The following ACTR3C variants were observed in gnomAD, a reference collection of about 807,000 sequenced individuals.
The protein encoded by ACTR3C is actin related protein 3C.
In ACTR3C, 18 loss-of-function variants were observed where a neutral mutation model predicts 26.3. The observed-to-expected ratio is 0.68, with a 90% CI of 0.47 to 1.01. The LOEUF is 1.01. Among genes scored for constraint, ACTR3C ranks in the 50% least tolerant of loss-of-function variants. ACTR3C has a pLI of 0.00. For missense variants in ACTR3C, 184 were observed against 250.7 expected, an observed-to-expected ratio of 0.73 and a Z score of 1.80; for synonymous variants, 55 against 94.5, an observed-to-expected ratio of 0.58 and a Z score of 2.42.
intron 1 of ACTR3C, among the ~76,000 whole-genome samples, chr7:150,302,611 T>C (rs1391367911): frequency 6.6e-6 from 1 of 151,928 alleles, no homozygotes; most frequent in African/African-American, 2.4e-5. Flanking sequence ...AAAGATTAAA[T>C]GAAAATATAC....
At chr7:149,960,842 T>C in the ACTR3C span, among the ~76,000 whole-genome samples, 1 of 152,116 alleles carries the variant, frequency 6.6e-6, no homozygotes, top group African/African-American at 2.4e-5. Flanking sequence ...TGTGCAAGAA[T>C]CCCAAGAGCA....
chr7:150,048,930 G>A, the ACTR3C span, among the ~76,000 whole-genome samples: 1 of 152,012 alleles, frequency 6.6e-6, no homozygotes. Context: ...CCCCTCGCGG[G>A]CGCTGCGCCC....
At chr7:150,197,979 C>T in the ACTR3C span, among the ~76,000 whole-genome samples, 9 of 151,184 alleles carry the variant, frequency 6.0e-5, no homozygotes, top group African/African-American at 2.0e-4. Flanking sequence ...CTCAGCCTGC[C>T]GAGTGCCTGT....
At chr7:150,032,682 T>TCATGTCAG in the ACTR3C span, among the ~76,000 whole-genome samples, 27,871 of 151,756 alleles carry the variant, frequency 0.18, 2,944 homozygotes, top group East Asian at 0.31. Flanking sequence ...TTTGGGAATA[T>TCATGTCAG]CATGTCAGCA....
the ACTR3C span, among the ~76,000 whole-genome samples, chr7:150,213,386 G>C: frequency 6.6e-6 from 1 of 152,146 alleles, no homozygotes; most frequent in East Asian, 1.9e-4. Context: ...ATCATTTAGA[G>C]GGAGGGCTTC....
chr7:150,120,690 C>T, the ACTR3C span, among the ~76,000 whole-genome samples: 1 of 152,136 alleles, frequency 6.6e-6, no homozygotes, highest in Admixed American at 6.5e-5. Flanking sequence ...CCTTCTAAAA[C>T]TATTCCAAAC....
chr7:149,946,235 G>A, the ACTR3C span, among the ~76,000 whole-genome samples: 5 of 152,216 alleles, frequency 3.3e-5, no homozygotes, highest in South Asian at 2.1e-4. Flanking sequence ...CCCAGACATC[G>A]CAGGTGCTTA....
At chr7:150,154,088 G>C in the ACTR3C span, among the ~76,000 whole-genome samples, 1 of 113,818 alleles carries the variant, frequency 8.8e-6, no homozygotes, top group Non-Finnish European at 1.7e-5. Flanking sequence ...TGGGGGGAGG[G>C]GGGAGGGATA....
the ACTR3C span, among the ~76,000 whole-genome samples, chr7:150,102,158 A>C: frequency 6.6e-6 from 1 of 151,628 alleles, no homozygotes; most frequent in South Asian, 2.1e-4. Flanking sequence ...AAGGTCTAGC[A>C]TAAGGTAGTA....
the ACTR3C span, among the ~76,000 whole-genome samples, chr7:150,163,567 A>G: frequency 8.5e-5 from 13 of 152,090 alleles, no homozygotes; most frequent in South Asian, 2.1e-3. Flanking sequence ...ACATATATAT[A>G]TGGAGATTTA....
chr7:149,944,458 G>T, the ACTR3C span, among the ~76,000 whole-genome samples: 2 of 151,998 alleles, frequency 1.3e-5, no homozygotes, highest in Admixed American at 1.3e-4. Context: ...GAATACCAAG[G>T]TTATGGACTG....
At chr7:150,056,034 A>G in the ACTR3C span, among the ~76,000 whole-genome samples, 1 of 152,210 alleles carries the variant, frequency 6.6e-6, no homozygotes, top group East Asian at 1.9e-4. Flanking sequence ...ATTTTTCACC[A>G]TCACTTAAGA....
the ACTR3C span, among the ~76,000 whole-genome samples, chr7:149,934,210 T>C: frequency 6.6e-6 from 1 of 152,160 alleles, no homozygotes; most frequent in African/African-American, 2.4e-5. Flanking sequence ...AGATTCCAGG[T>C]GTCAAGTTCC....
At chr7:149,955,688 ATTATGGCT>A in the ACTR3C span, among the ~76,000 whole-genome samples, 203 of 152,320 alleles carry the variant, frequency 1.3e-3, no homozygotes, top group African/African-American at 4.6e-3. Context: ...GAAACTATTA[ATTATGGCT>A]TTCTAAAATT....
At chr7:150,041,641 C>T in the ACTR3C span, among the ~76,000 whole-genome samples, 3 of 115,292 alleles carry the variant, frequency 2.6e-5, no homozygotes, top group African/African-American at 6.3e-5. Flanking sequence ...GGTGCCTCCC[C>T]CCCCCTGCGA....
chr7:150,117,608 A>T, the ACTR3C span, among the ~76,000 whole-genome samples: 1 of 152,208 alleles, frequency 6.6e-6, no homozygotes, highest in African/African-American at 2.4e-5. Context: ...TAAAACTCCC[A>T]TCTCCCTGAG....
At chr7:150,251,958 T>C (rs1247081756) in intron 6 of ACTR3C, among the ~76,000 whole-genome samples, 1 of 152,234 alleles carries the variant, frequency 6.6e-6, no homozygotes, top group East Asian at 1.9e-4. Context: ...AACCCTGTGT[T>C]TTCCATAGAA....
the ACTR3C span, among the ~76,000 whole-genome samples, chr7:150,042,096 CGGGGGGTGCCTCCCCCCTCTGCG>C: frequency 2.6e-5 from 2 of 76,798 alleles, no homozygotes; most frequent in African/African-American, 9.6e-5. Flanking sequence ...CCCTGCCTCG[CGGGGGGTGCCTCCCCCCTCTGCG>C]ATGGGGGTCC....
chr7:149,971,763 T>G, the ACTR3C span, among the ~76,000 whole-genome samples: 3 of 152,206 alleles, frequency 2.0e-5, no homozygotes, highest in African/African-American at 7.2e-5. Flanking sequence ...TCGTGTGCCC[T>G]GATCTGGTTT....
Sources: allele counts gnomAD v4.1 joint callset (sites outside exome capture counted in the v4.1 genomes callset), GRCh38; gene constraint gnomAD v4.1.1; transcripts MANE v1.5; gene names NCBI Gene and HGNC (gene_info 2026-07-23, HGNC 2026-07-21).